Variants in JAZF1 observed in about 807,000 individuals in gnomAD.
JAZF1 encodes JAZF zinc finger 1.
JAZF1 carries 8 observed loss-of-function variants against 26.4 expected under a neutral mutation model. The ratio of observed to expected loss-of-function variants is 0.30; its 90% CI spans 0.18 to 0.55. The LOEUF is 0.55. JAZF1 is among the 20% of genes least tolerant of loss of function. The pLI is 0.94. For synonymous variants in JAZF1, 126 were observed against 122.3 expected (o/e 1.03, Z -0.20); for missense variants, 199 against 322.0 (o/e 0.62, Z 2.92).
At chr7:27,899,070 T>C (rs1784122411) in intron 2 of JAZF1, among the ~76,000 whole-genome samples, 1 of 152,188 alleles carries the variant, frequency 6.6e-6, no homozygotes, top group Admixed American at 6.5e-5. Context: ...CTCTTCCTCC[T>C]CCCTTCATTA....
intron 1 of JAZF1, among the ~76,000 whole-genome samples, chr7:28,008,076 G>A (rs1043766696): frequency 3.3e-5 from 5 of 152,006 alleles, no homozygotes; most frequent in Non-Finnish European, 5.9e-5. Context: ...AACACCAGAG[G>A]TTCTAGTCCA....
intron 2 of JAZF1, among the ~76,000 whole-genome samples, chr7:27,908,009 C>A (rs571958712): frequency 1.9e-4 from 29 of 152,296 alleles, no homozygotes; most frequent in Admixed American, 1.6e-3. Context: ...TCCACTAATA[C>A]CCTGGCCTGG....
At chr7:28,119,058 G>GA (rs1784795962) in intron 1 of JAZF1, among the ~76,000 whole-genome samples, 1 of 152,144 alleles carries the variant, frequency 6.6e-6, no homozygotes, top group Non-Finnish European at 1.5e-5. Flanking sequence ...GCTGTTAAAA[G>GA]AAACAGTTGA....
chr7:27,908,614 T>TTGAAA (rs1784304504), intron 2 of JAZF1, among the ~76,000 whole-genome samples: 1 of 152,140 alleles, frequency 6.6e-6, no homozygotes, highest in Non-Finnish European at 1.5e-5. Flanking sequence ...AGGCTAAACT[T>TTGAAA]TGAAATGGGC....
chr7:27,992,040 A>G (rs544266966), intron 1 of JAZF1, 59 bp from the exon 2 acceptor site: 3 of 983,026 alleles, frequency 3.1e-6, no homozygotes, highest in Admixed American at 1.7e-5. Flanking sequence ...ATATGAGGCT[A>G]CCTAACACAA....
chr7:27,949,436 G>T (rs935320480), intron 2 of JAZF1, among the ~76,000 whole-genome samples: 3 of 152,180 alleles, frequency 2.0e-5, no homozygotes, highest in Non-Finnish European at 4.4e-5. Flanking sequence ...CTACAAGCAG[G>T]GAAGTGTTGC....
At chr7:28,013,595 T>C (rs1405033063) in intron 1 of JAZF1, among the ~76,000 whole-genome samples, 1 of 152,116 alleles carries the variant, frequency 6.6e-6, no homozygotes, top group Admixed American at 6.5e-5. Context: ...ACCACGCTTC[T>C]AGAACCACGG....
chr7:28,103,548 T>C (rs924584056), intron 1 of JAZF1, among the ~76,000 whole-genome samples: 1 of 152,126 alleles, frequency 6.6e-6, no homozygotes, highest in Admixed American at 6.5e-5. Flanking sequence ...GATCCTGATT[T>C]CCATCTTCCT....
At chr7:27,890,103 C>T (rs764101837) in intron 3 of JAZF1, among the ~76,000 whole-genome samples, 4 of 152,054 alleles carry the variant, frequency 2.6e-5, no homozygotes, top group South Asian at 2.1e-4. Context: ...CATGGATCCA[C>T]GATTCCTTGA....
At chr7:27,958,118 A>G (rs984463318) in intron 2 of JAZF1, among the ~76,000 whole-genome samples, 13 of 152,226 alleles carry the variant, frequency 8.5e-5, no homozygotes, top group African/African-American at 3.1e-4. Context: ...TACTCCCCCT[A>G]CTCCGTTACA....
chr7:27,930,399 C>T (rs944455565), intron 2 of JAZF1, among the ~76,000 whole-genome samples: 4 of 152,118 alleles, frequency 2.6e-5, no homozygotes, highest in Non-Finnish European at 2.9e-5. Flanking sequence ...AAAATGGCTA[C>T]GAAGAACAAG....
chr7:27,873,169 T>C (rs1185147242), intron 3 of JAZF1, among the ~76,000 whole-genome samples: 1 of 152,060 alleles, frequency 6.6e-6, no homozygotes, highest in African/African-American at 2.4e-5. Flanking sequence ...ATCAAGAAAA[T>C]CAAATCTATT....
chr7:27,987,808 A>G (rs1473951986), intron 2 of JAZF1, among the ~76,000 whole-genome samples: 8 of 152,268 alleles, frequency 5.3e-5, no homozygotes, highest in Non-Finnish European at 8.8e-5. Context: ...TGTAGAAAGA[A>G]GTAGCCATAG....
chr7:28,095,456 T>TGTGAGAACTAACTCACTATC (rs1784368763), intron 1 of JAZF1, among the ~76,000 whole-genome samples: 1 of 152,104 alleles, frequency 6.6e-6, no homozygotes, highest in Non-Finnish European at 1.5e-5. Context: ...CATCAGATCT[T>TGTGAGAACTAACTCACTATC]GTGAGAACTA....
At chr7:27,844,652 G>A (rs1327119170) in intron 3 of JAZF1, 13 of 152,218 alleles carry the variant, frequency 8.5e-5, no homozygotes, top group Non-Finnish European at 1.5e-4. Context: ...GAAGCAAAAA[G>A]GGTAGGGATA....
intron 2 of JAZF1, among the ~76,000 whole-genome samples, chr7:27,904,962 C>T (rs1313293375): frequency 1.3e-5 from 2 of 152,182 alleles, no homozygotes; most frequent in East Asian, 1.9e-4. Context: ...AAGACAGGGT[C>T]TCACTCTGTC....
intron 2 of JAZF1, among the ~76,000 whole-genome samples, chr7:27,966,840 GGTAACTTGCAATGAAGCA>G (rs1785284971): frequency 6.6e-6 from 1 of 152,118 alleles, no homozygotes; most frequent in African/African-American, 2.4e-5. Flanking sequence ...ATTCTGACCT[GGTAACTTGCAATGAAGCA>G]GTATAAGCAA....
intron 3 of JAZF1, among the ~76,000 whole-genome samples, chr7:27,864,459 C>T (rs758179769): frequency 5.3e-5 from 8 of 152,180 alleles, no homozygotes; most frequent in Non-Finnish European, 1.2e-4. Flanking sequence ...TTCAAAGCAG[C>T]CCTCTGCTCA....
chr7:27,849,752 G>GACACACACACACACACACAC (rs72394231), intron 3 of JAZF1, among the ~76,000 whole-genome samples: 9,721 of 108,348 alleles, frequency 0.09, 500 homozygotes, highest in Middle Eastern at 0.14. Flanking sequence ...CTTACACACA[G>GACACACACACACACACACAC]ACACACACAC....
Sources: gnomAD v4.1 joint callset for allele counts (sites outside exome capture counted in the v4.1 genomes callset) on GRCh38, gnomAD v4.1.1 for gene constraint, MANE v1.5 for transcripts, NCBI Gene and HGNC (gene_info 2026-07-23, HGNC 2026-07-21) for gene names.